ZMYND11: variants seen among roughly 807,000 people sequenced by gnomAD.
The protein encoded by ZMYND11 is zinc finger MYND domain-containing protein 11.
In ZMYND11, 9 loss-of-function variants were observed where a neutral mutation model predicts 84.9. The ratio of observed to expected loss-of-function variants is 0.11; its 90% confidence interval spans 0.06 to 0.18. The LOEUF (loss-of-function observed/expected upper bound fraction) is 0.18, where lower values mean the gene tolerates loss of function less well. Ranked by LOEUF, ZMYND11 falls within the 10% of genes least tolerant of loss-of-function variation. The pLI, the probability that ZMYND11 is intolerant of heterozygous loss-of-function variation, is 1.00. For missense variants in ZMYND11, 409 were observed against 761.0 expected (o/e 0.54, Z 5.44); for synonymous variants, 250 against 244.1 (o/e 1.02, Z -0.23).
chr10:172,131 G>C (rs1406371455), intron 1 of ZMYND11, among the ~76,000 whole-genome samples: 1 of 152,070 alleles, frequency 6.6e-6, no homozygotes, highest in African/African-American at 2.4e-5. Flanking sequence ...CATTCATGAG[G>C]GCAGAGCCCC....
At chr10:169,106 C>T (rs1413496820) in intron 1 of ZMYND11, among the ~76,000 whole-genome samples, 1 of 152,032 alleles carries the variant, frequency 6.6e-6, no homozygotes, top group African/African-American at 2.4e-5. Flanking sequence ...ATTACCAAAG[C>T]CTAACCTACC....
In ZMYND11 at chr10:248,396, C is replaced by T; in HGVS notation, c.1288C>T (p.Pro430Ser). The T allele has an allele frequency of 6.2e-7, 1 of 1,614,162 alleles. No individual in the cohort carries two copies. Among genetic ancestry groups the T allele is most frequent in the Non-Finnish European group, 8.5e-7 (1 of 1,180,036 alleles). Residue 430 changes from proline to serine, a missense_variant, in exon 13 of 15, where the codon CCC becomes TCC. Pro to Ser is a moderately conservative substitution (Grantham distance 74). This residue lies in a region of ZMYND11 where 141 missense variants were observed against 173.8 expected (regional missense o/e 0.81). Coordinates refer to ENST00000381604, the MANE Select transcript of ZMYND11 (RefSeq NM_001370100.5). Reference protein sequence around the residue: ...SSQEIPTMPQPIEKVSVSTQT... With the variant: ...SSQEIPTMPQSIEKVSVSTQT... ...CCAGGAAATACCCACGATGCCTCAG[C>T]CCATCGAAAAAGTCTCCGTGTCAAC...
intron 2 of ZMYND11, among the ~76,000 whole-genome samples, chr10:209,217 A>G (rs902116323): frequency 1.3e-5 from 2 of 152,180 alleles, no homozygotes; most frequent in Non-Finnish European, 2.9e-5. Context: ...GGAATCTGCA[A>G]TGTTATTCTC....
chr10:231,013 A>C (rs970327675), intron 4 of ZMYND11, among the ~76,000 whole-genome samples: 4 of 152,252 alleles, frequency 2.6e-5, no homozygotes, highest in Non-Finnish European at 5.9e-5. Flanking sequence ...AGATTGTTGA[A>C]GAAAAATGAC....
chr10:219,959 A>C (rs913448166), intron 3 of ZMYND11, among the ~76,000 whole-genome samples: 6 of 152,200 alleles, frequency 3.9e-5, no homozygotes, highest in Non-Finnish European at 7.4e-5. Context: ...GGTTTGGAAG[A>C]CATGAATTTT....
At chr10:226,991 G>C (rs1948253131) in intron 4 of ZMYND11, among the ~76,000 whole-genome samples, 1 of 152,086 alleles carries the variant, frequency 6.6e-6, no homozygotes, top group South Asian at 2.1e-4. Flanking sequence ...ATTTTTCTCT[G>C]TTTAAGGATC....
chr10:169,530 A>G (rs1206275572), intron 1 of ZMYND11, among the ~76,000 whole-genome samples: 2 of 152,214 alleles, frequency 1.3e-5, no homozygotes, highest in Non-Finnish European at 2.9e-5. Flanking sequence ...TAAAATGCTA[A>G]GAGTTTTAAT....
rs1283164479 is a variant in ZMYND11, at chr10:215,162, T to C, written c.276+5114T>C. ...ACTTTTGATCTCACATTTAATAATT[T>C]AGTCAAGAGTGTTGAGGATGACTTA... On this transcript the variant is annotated intron_variant, in intron 3 of 14. Transcript: ENST00000381604. Among the ~76,000 whole-genome samples, 3 of 152,380 alleles carry C rather than the reference T, an allele frequency of 2.0e-5. No individual in the cohort carries two copies. In the East Asian group the frequency reaches 5.8e-4, roughly 29 times the overall value.
intron 1 of ZMYND11, chr10:147,995 C>G (rs373202368): frequency 6.6e-6 from 1 of 152,232 alleles, no homozygotes; most frequent in Non-Finnish European, 1.5e-5. Flanking sequence ...TCAGATCAAC[C>G]GTCCTGGGGT....
chr10:197,852 A>C, intron 2 of ZMYND11: 1 of 502,734 alleles, frequency 2.0e-6, no homozygotes, highest in East Asian at 3.3e-5. Flanking sequence ...TGTTACTTTT[A>C]CTTTTTTCCA....
chr10:149,812 A>G (rs967406783), intron 1 of ZMYND11, among the ~76,000 whole-genome samples: 15 of 152,180 alleles, frequency 9.9e-5, no homozygotes, highest in African/African-American at 3.1e-4. Context: ...AGTCTAATGA[A>G]GTACATTATT....
At position 252,285 on chromosome 10, in the gene ZMYND11, T is replaced by A; in HGVS notation, c.1687-63T>A. ...AAGCACCACCTCAAGAGTTTGCCAT[T>A]TTAACCAGTCGCTTACACATCCACA... is the stretch of plus-strand genomic sequence containing the variant. On this transcript the variant is annotated intron_variant, in intron 14 of 14. Coordinates refer to ENST00000381604, the MANE Select transcript of ZMYND11 (RefSeq NM_001370100.5). This position sits in a 1 kb window ranked among gnomAD's most constrained non-coding sequence, Gnocchi z 4.6. The A allele has an allele frequency of 6.3e-7, 1 of 1,588,534 alleles. No homozygotes were observed. Among genetic ancestry groups the A allele is most frequent in the South Asian group, 1.1e-5 (1 of 87,980 alleles).
At chr10:221,407 A>T (rs147864819) in intron 4 of ZMYND11, 51 bp downstream of exon 4, 2 of 1,565,614 alleles carry the variant, frequency 1.3e-6, no homozygotes, top group South Asian at 1.2e-5. Flanking sequence ...GAATTAATTC[A>T]TAATAGCTTC....
chr10:134,902 G>A (rs1835517637), upstream of ZMYND11: 2 of 151,254 alleles, frequency 1.3e-5, no homozygotes, highest in Admixed American at 1.3e-4. Context: ...GGTAGGAGCC[G>A]CGTGCACGGC....
intron 1 of ZMYND11, among the ~76,000 whole-genome samples, chr10:154,018 T>G (rs1469949854): frequency 6.6e-6 from 1 of 152,046 alleles, no homozygotes; most frequent in Non-Finnish European, 1.5e-5. Context: ...GACCATGAAT[T>G]TCTTTGGCTT....
intron 2 of ZMYND11, among the ~76,000 whole-genome samples, chr10:199,280 T>G (rs1942531506): frequency 3.1e-5 from 2 of 64,410 alleles, no homozygotes; most frequent in African/African-American, 6.0e-5. Context: ...CCCCTTCCCA[T>G]CCCTCCCTCC....
At chr10:145,242 GTATGTATATATATA>G (rs1355829722) in intron 1 of ZMYND11, among the ~76,000 whole-genome samples, 2 of 150,346 alleles carry the variant, frequency 1.3e-5, no homozygotes, top group Non-Finnish European at 3.0e-5. Flanking sequence ...ATATGTGTGT[GTATGTATATATATA>G]TATGTATATA....
At chr10:251,294 T>TG (rs1359613865) in intron 14 of ZMYND11, among the ~76,000 whole-genome samples, 1 of 152,158 alleles carries the variant, frequency 6.6e-6, no homozygotes, top group East Asian at 1.9e-4. Context: ...ACATGACCAG[T>TG]GGGTGGCACA....
chr10:134,708 G>C (rs934585711), upstream of ZMYND11: 2 of 152,450 alleles, frequency 1.3e-5, no homozygotes, highest in Non-Finnish European at 2.9e-5. Context: ...TCCACCCGGG[G>C]CTGAGCTGCG....
Sources: allele counts gnomAD v4.1 joint callset (sites outside exome capture counted in the v4.1 genomes callset), GRCh38; gene constraint gnomAD v4.1.1; regional missense constraint gnomAD v4.1.1; non-coding constraint Gnocchi (gnomAD v3.1); transcripts MANE v1.5; gene names NCBI Gene and HGNC (gene_info 2026-07-23, HGNC 2026-07-21).